Variants in GPR158 observed in about 807,000 individuals in gnomAD.
GPR158 encodes G protein-coupled receptor 158.
In GPR158, 30 loss-of-function variants were observed where a neutral mutation model predicts 78.2. The ratio of observed to expected loss-of-function variants is 0.38; its 90% CI spans 0.29 to 0.52. The LOEUF is 0.52. GPR158 is among the 20% of genes least tolerant of loss of function. GPR158 has a pLI of 0.83. For synonymous variants in GPR158, 581 were observed against 591.1 expected, an observed-to-expected ratio of 0.98 and a Z score of 0.25; for missense variants, 1,463 against 1,523.5, an observed-to-expected ratio of 0.96 and a Z score of 0.66.
At chr10:25,342,832 A>G (rs1855321210) in intron 2 of GPR158, among the ~76,000 whole-genome samples, 1 of 145,652 alleles carries the variant, frequency 6.9e-6, no homozygotes, top group African/African-American at 2.6e-5. Flanking sequence ...ATGATTTTGC[A>G]TACTTCTTGG....
At chr10:25,203,470 A>G (rs1336674410) in intron 1 of GPR158, among the ~76,000 whole-genome samples, 1 of 152,038 alleles carries the variant, frequency 6.6e-6, no homozygotes, top group East Asian at 1.9e-4. Flanking sequence ...CTTTCTACAT[A>G]TGGCTAGCCA....
At chr10:25,389,724 C>A (rs1269123711) in intron 2 of GPR158, among the ~76,000 whole-genome samples, 1 of 151,940 alleles carries the variant, frequency 6.6e-6, no homozygotes, top group African/African-American at 2.4e-5. Flanking sequence ...GGGCTGTGGC[C>A]CTTTGGGGAT....
chr10:25,569,681 C>T (rs1018204792), intron 6 of GPR158, among the ~76,000 whole-genome samples: 7 of 152,058 alleles, frequency 4.6e-5, no homozygotes, highest in African/African-American at 1.4e-4. Context: ...TTAGAATATC[C>T]CCTTATATCT....
At chr10:25,196,529 T>A (rs948482834) in intron 1 of GPR158, among the ~76,000 whole-genome samples, 6 of 152,206 alleles carry the variant, frequency 3.9e-5, no homozygotes, top group Non-Finnish European at 7.3e-5. Flanking sequence ...ATTTTTATGA[T>A]TGAAGGACTA....
chr10:25,392,560 T>C (rs1834314696), intron 2 of GPR158, among the ~76,000 whole-genome samples: 1 of 152,216 alleles, frequency 6.6e-6, no homozygotes, highest in African/African-American at 2.4e-5. Flanking sequence ...CAAAGGCTAC[T>C]CATGGAGCAG....
rs866070972 is a variant in GPR158 at position 25,442,635 on chromosome 10, T to C, written c.1336-24016T>C. On this transcript the variant is annotated intron_variant, in intron 4 of 10. Transcript: ENST00000376351. ...TACCAAACCTAAACCGCTTTCACTCTTCCCTGTCTCAGGGAATGCCACCAC... is the reference window on the plus strand; with the variant it reads ...TACCAAACCTAAACCGCTTTCACTCCTCCCTGTCTCAGGGAATGCCACCAC... 6.6e-5 allele frequency among the ~76,000 whole-genome samples: 10 copies of C among 152,242 alleles called. No homozygotes were observed. The Middle Eastern group carries it at 0.014, about 207-fold the overall frequency.
rs538067163 is a variant in GPR158, at chr10:25,313,903, T to C, written c.1009-82008T>C. 4.7e-4 allele frequency among the ~76,000 whole-genome samples: 71 copies of C among 152,316 alleles called. 1 individual carries two copies. The highest frequency in any genetic ancestry group is 1.7e-3 in the African/African-American group (71 of 41,584). On this transcript the variant is annotated intron_variant, in intron 2 of 10. Transcript: ENST00000376351. ...TACTCTGGAATAATTTAGGTAGCAT[T>C]GGGATGATCCGGTCTTTAAAGGTTT... is the stretch of plus-strand genomic sequence containing the variant.
At chr10:25,292,130 A>G (rs1854447256) in intron 2 of GPR158, among the ~76,000 whole-genome samples, 1 of 152,028 alleles carries the variant, frequency 6.6e-6, no homozygotes. Context: ...GTAATATATC[A>G]TCCCCCAAGA....
chr10:25,446,052 A>G (rs578016814), intron 4 of GPR158, among the ~76,000 whole-genome samples: 9 of 152,148 alleles, frequency 5.9e-5, no homozygotes, highest in Non-Finnish European at 1.2e-4. Context: ...CCTCAGAGGA[A>G]GGATATGAAG....
intron 2 of GPR158, among the ~76,000 whole-genome samples, chr10:25,363,598 A>C (rs1437186485): frequency 6.6e-6 from 1 of 151,980 alleles, no homozygotes; most frequent in South Asian, 2.1e-4. Context: ...TTATAATCAT[A>C]GAGTAATGAG....
At chr10:25,430,847 A>G (rs980926835) in intron 4 of GPR158, among the ~76,000 whole-genome samples, 17 of 151,978 alleles carry the variant, frequency 1.1e-4, no homozygotes, top group African/African-American at 4.1e-4. Context: ...CTTACACCTT[A>G]TACAAAAATT....
intron 2 of GPR158, among the ~76,000 whole-genome samples, chr10:25,366,456 A>T (rs1048896120): frequency 6.6e-6 from 1 of 151,690 alleles, no homozygotes; most frequent in Admixed American, 6.6e-5. Flanking sequence ...AATAAAAATT[A>T]TATGTATTTA....
At chr10:25,480,519 C>A (rs539394048) in intron 5 of GPR158, among the ~76,000 whole-genome samples, 3 of 149,934 alleles carry the variant, frequency 2.0e-5, no homozygotes, top group African/African-American at 7.3e-5. Context: ...AGCCTTTGAA[C>A]ATCTGTTATA....
chr10:25,252,921 C>A (rs904236137), intron 2 of GPR158, among the ~76,000 whole-genome samples: 3 of 121,396 alleles, frequency 2.5e-5, no homozygotes, highest in South Asian at 2.4e-4. Flanking sequence ...GCCTCGCTGC[C>A]GCCTTGCAGT....
chr10:25,534,137 T>A (rs1377735792), intron 5 of GPR158, among the ~76,000 whole-genome samples: 1 of 152,190 alleles, frequency 6.6e-6, no homozygotes, highest in African/African-American at 2.4e-5. Context: ...CTGGTTATGC[T>A]TTGGCACATG....
At chr10:25,368,280 C>T (rs1004816555) in intron 2 of GPR158, among the ~76,000 whole-genome samples, 5 of 146,776 alleles carry the variant, frequency 3.4e-5, no homozygotes, top group African/African-American at 1.3e-4. Context: ...CCCAGTAAGA[C>T]AGTATTTTTT....
At chr10:25,185,533 A>T (rs1351879010) in intron 1 of GPR158, among the ~76,000 whole-genome samples, 2 of 152,282 alleles carry the variant, frequency 1.3e-5, no homozygotes, top group Non-Finnish European at 2.9e-5. Context: ...TTTTGAAGGG[A>T]AAGCACTAGG....
intron 5 of GPR158, among the ~76,000 whole-genome samples, chr10:25,505,642 G>A (rs1257649393): frequency 6.6e-6 from 1 of 152,204 alleles, no homozygotes; most frequent in African/African-American, 2.4e-5. Context: ...GTATGGTATA[G>A]TATGCAAGGC....
chr10:25,501,095 A>G (rs964309264), intron 5 of GPR158, among the ~76,000 whole-genome samples: 1 of 152,174 alleles, frequency 6.6e-6, no homozygotes, highest in Admixed American at 6.5e-5. Flanking sequence ...CACAGGGAAG[A>G]TCAGGGACTC....
Sources: allele counts gnomAD v4.1 joint callset (sites outside exome capture counted in the v4.1 genomes callset), GRCh38; gene constraint gnomAD v4.1.1; transcripts MANE v1.5; gene names NCBI Gene and HGNC (gene_info 2026-07-23, HGNC 2026-07-21).